Variants in TONSL observed in about 807,000 individuals in gnomAD.
TONSL encodes tonsoku like, DNA repair protein, also known as tonsoku-like protein.
Under a neutral mutation model 147.1 loss-of-function variants are expected in TONSL, and 112 were observed. The ratio of observed to expected loss-of-function variants is 0.76; its 90% CI spans 0.65 to 0.89. TONSL has a LOEUF of 0.89. TONSL is among the 40% of genes least tolerant of loss of function. TONSL has a pLI of 0.00. For synonymous variants in TONSL, 868 were observed against 801.5 expected (o/e 1.08, Z -1.40); for missense variants, 1,883 against 1,864.6 (o/e 1.01, Z -0.18).
intron 11 of TONSL, among the ~76,000 whole-genome samples, chr8:144,439,008 C>T (rs1002672923): frequency 6.6e-6 from 1 of 152,118 alleles, no homozygotes; most frequent in African/African-American, 2.4e-5. Flanking sequence ...CACGCCTGGC[C>T]CTCCCACAGA....
At position 144,429,674 on chromosome 8, in the gene TONSL, G is replaced by C. The variant is rs1257908625; in HGVS notation, c.3944-338C>G. ...CATCGTGGGCCTGAGTGGATCAAGA[G>C]AACACTAAGCTCAGGAATTCAGGGA... On this transcript the variant is annotated intron_variant, in intron 25 of 25. Coordinates refer to ENST00000409379, the MANE Select transcript of TONSL (RefSeq NM_013432.5). 2.0e-5 allele frequency among the ~76,000 whole-genome samples: 3 copies of C among 152,336 alleles called. No individual in the cohort carries two copies. The East Asian group carries it at 5.8e-4, about 29-fold the overall frequency.
Position 144,428,795 on chromosome 8 carries a change from T to TG in TONSL, c.*347_*348insC. The TG allele has an allele frequency of 7.7e-6, 1 of 130,716 alleles. No individual in the cohort carries two copies. Among genetic ancestry groups the TG allele is most frequent in the Non-Finnish European group, 1.6e-5 (1 of 61,378 alleles). 8.1% of individuals were successfully genotyped at this position (130,716 alleles called of 1,614,324 possible). Reference sequence around the variant, plus strand: ...AGGCAGCAGCTTCATTTATTTTATTTTTTTTTTTTTTTGAGACGGAGTCTC... The same window carrying TG: ...AGGCAGCAGCTTCATTTATTTTATTTGTTTTTTTTTTTTGAGACGGAGTCTC... On this transcript the variant is annotated 3_prime_UTR_variant, in exon 26 of 26. Coordinates refer to ENST00000409379, the MANE Select transcript of TONSL (RefSeq NM_013432.5).
rs554403654 is a variant in TONSL at position 144,438,695 on chromosome 8, G to C, written c.1521C>G (p.Asp507Glu). The C allele has an allele frequency of 6.2e-7, 1 of 1,613,240 alleles. No homozygotes were observed. The highest frequency in any genetic ancestry group is 8.5e-7 in the Non-Finnish European group (1 of 1,179,952). The stretch of plus-strand genomic sequence containing the variant: ...GGCCCAGGTGGCCCTGAAGCTCCTC[G>C]TCCTCCTCCAGCTGCGGGGTCAGGC... ...TDGLTPQLEE[D>E]EELQGHLGRR... The change falls in exon 12 of 26, where the codon GAC becomes GAG. Residue 507 changes from aspartate to glutamate, a missense_variant. Physicochemically the swap from Asp to Glu is conservative, Grantham distance 45. Transcript: ENST00000409379.
Position 144,440,124 on chromosome 8 carries a change from G to A in TONSL, c.1377C>T (p.Leu459=), listed in dbSNP as rs1197105324. 6.2e-7 allele frequency: 1 copy of A among 1,612,296 alleles called. No individual in the cohort carries two copies. Among genetic ancestry groups the A allele is most frequent in the Non-Finnish European group, 8.5e-7 (1 of 1,179,710 alleles). Residue 459 remains leucine (L), a synonymous_variant, in exon 11 of 26, where the codon CTC becomes CTT. Transcript: ENST00000409379. The stretch of plus-strand genomic sequence containing the variant: ...CCTCATCTTCATCTTCAGCTACACT[G>A]AGCTCCCGTAGTCTGGTTTCGGTCT... ...APETETRLRE[L]SVAEDEDEEE...
In TONSL at chr8:144,430,530, A is replaced by G; in HGVS notation, c.3817T>C (p.Ser1273Pro). ...AGTGAGATGAGTGAGGGGCACAGAG[A>G]GAGACATCTGAGATAACATGGGAAG... ...KAVRDLCRCLSLCPSLISLDL... is the reference protein window; with the variant it reads ...KAVRDLCRCLPLCPSLISLDL... The change falls in exon 25 of 26, where the codon TCT (serine) becomes CCT (proline). Residue 1273 changes from serine to proline, a missense_variant. By Grantham distance (74) the Ser-to-Pro change is moderately conservative. Coordinates refer to ENST00000409379, the MANE Select transcript of TONSL (RefSeq NM_013432.5). 6.2e-7 allele frequency: 1 copy of G among 1,610,714 alleles called. No homozygotes were observed. Among genetic ancestry groups the G allele is most frequent in the Non-Finnish European group, 8.5e-7 (1 of 1,178,488 alleles).
rs144748243 is a variant in TONSL at position 144,436,437 on chromosome 8, G to C, written c.2015-19C>G. The C allele has an allele frequency of 6.6e-7, 1 of 1,525,888 alleles. No homozygotes were observed. The highest frequency in any genetic ancestry group is 8.8e-7 in the Non-Finnish European group (1 of 1,140,838). 94.5% of individuals were successfully genotyped at this position (1,525,888 alleles called of 1,614,324 possible). The stretch of plus-strand genomic sequence containing the variant: ...TGGGGATCTGTGGGAGAGAGAATGC[G>C]TGTTGAGGCAGGGGCCCGGCACCTC... On this transcript the variant is annotated intron_variant, in intron 16 of 25. Coordinates refer to ENST00000409379, the MANE Select transcript of TONSL (RefSeq NM_013432.5).
chr8:144,433,464 C>T, intron 22 of TONSL, 124 bp downstream of exon 22: 1 of 939,656 alleles, frequency 1.1e-6, no homozygotes, highest in Non-Finnish European at 1.6e-6. Flanking sequence ...CCGCCTCAGC[C>T]TCTCAAGTAG....
Position 144,432,294 on chromosome 8 carries a change from G to C in TONSL, c.3726C>G (p.Tyr1242Ter), listed in dbSNP as rs1823237294. ...CTTCCCCACCTCGTACCTTGGCCAG[G>C]TATCGGAATACAGGCTCCATGAGGT... The part of the protein sequence containing the change: ...DSDLMEPVFR[Y>*]LAKEGCALAH... Residue 1242 changes from tyrosine (Y) to a stop codon, truncating the protein, a stop_gained, in exon 23 of 26, where the codon TAC becomes TAG. Transcript: ENST00000409379. LOFTEE classifies it high-confidence loss of function. The C allele has an allele frequency of 2.5e-6, 4 of 1,613,636 alleles. No homozygotes were observed. Among genetic ancestry groups the C allele is most frequent in the Non-Finnish European group, 3.4e-6 (4 of 1,179,924 alleles).
At chr8:144,431,183 A>G (rs1564725934) in intron 23 of TONSL, 32 bp from the exon 24 acceptor site, 1 of 1,611,152 alleles carries the variant, frequency 6.2e-7, no homozygotes, top group Admixed American at 1.7e-5. Flanking sequence ...AGGGGGCCAA[A>G]CGGAGTGGCG....
chr8:144,435,811 G>C lies in TONSL; in HGVS notation c.2622C>G (p.Ala874=), dbSNP rs903365160. ...GSDSEESRPR[A]RAKQVRLTCM... is the part of the protein sequence containing the mutation. ...AGGTCAGGCGGACCTGCTTGGCTCG[G>C]GCACGGGGCCTGCTCTCCTCACTGT... Residue 874 remains alanine (A), a synonymous_variant, in exon 17 of 26, where the codon GCC becomes GCG. Transcript: ENST00000409379. The C allele has an allele frequency of 6.2e-7, 1 of 1,612,562 alleles. No homozygotes were observed. Among genetic ancestry groups the C allele is most frequent in the African/African-American group, 1.3e-5 (1 of 74,858 alleles).
chr8:144,435,381 C>T, intron 18 of TONSL, 93 bp downstream of exon 18: 2 of 1,289,626 alleles, frequency 1.6e-6, no homozygotes, highest in South Asian at 1.5e-5. Flanking sequence ...ACCAGGGAGC[C>T]CTCGTCACAC....
Position 144,440,965 on chromosome 8 carries a change from C to T in TONSL, c.1011+1G>A. 1 of 1,613,116 alleles carries T rather than the reference C, an allele frequency of 6.2e-7. No individual in the cohort carries two copies. Among genetic ancestry groups the T allele is most frequent in the South Asian group, 1.1e-5 (1 of 91,090 alleles). On this transcript the variant is annotated splice_donor_variant, in intron 8 of 25. Transcript: ENST00000409379. LOFTEE classifies it high-confidence loss of function. ...CCTCCCACCCAGCCGGGGCCACACA[C>T]CTGCTTCTGGTAAGCCTCAGCTGCC...
In TONSL at chr8:144,443,904, T is replaced by C. The variant is rs1013538079; in HGVS notation, c.242A>G (p.Glu81Gly). 1.9e-5 allele frequency: 30 copies of C among 1,545,574 alleles called. No individual in the cohort carries two copies. The Admixed American group carries it at 4.9e-4, about 25-fold the overall frequency. ...RKIGERLAEMEDYPAALQHQH... is the reference protein window; with the variant it reads ...RKIGERLAEMGDYPAALQHQH... ...CACCTGCAAGGCAGCCGGGTAGTCC[T>C]CCATCTCGGCCAGGCGCTCTCCGAT... The change falls in exon 3 of 26, where the codon GAG becomes GGG. Residue 81 changes from glutamate (E) to glycine (G), a missense_variant. Physicochemically the swap from Glu to Gly is moderately conservative, Grantham distance 98. Coordinates refer to ENST00000409379, the MANE Select transcript of TONSL (RefSeq NM_013432.5).
rs1554879310 is a variant in TONSL at position 144,433,973 on chromosome 8, T to C, written c.3387+5A>G. The C allele has an allele frequency of 6.3e-7, 1 of 1,575,942 alleles. No homozygotes were observed. The highest frequency in any genetic ancestry group is 1.2e-5 in the South Asian group (1 of 85,952). ...TTGAGGGCCTGCTGCTCTCTGTGCC[T>C]ATACCTGCAAGGTGGCTTGGCCTGG... On this transcript the variant is annotated splice_donor_5th_base_variant and intron_variant, in intron 21 of 25. Transcript: ENST00000409379.
intron 4 of TONSL, 153 bp from the exon 5 acceptor site, chr8:144,442,959 G>A: frequency 8.0e-7 from 1 of 1,248,154 alleles, no homozygotes; most frequent in South Asian, 1.5e-5. Context: ...GCACAGAGTG[G>A]ATAAAGAGCT....
In TONSL at chr8:144,440,876, G is replaced by T; in HGVS notation, c.1012-6C>A. The stretch of plus-strand genomic sequence containing the variant: ...AGCAGCTCAGCAAAACGCAGCTGGG[G>T]GCAGTGCCAGTGAGGCCAGGGGCTG... On this transcript the variant is annotated splice_polypyrimidine_tract_variant and splice_region_variant and intron_variant, in intron 8 of 25. Coordinates refer to ENST00000409379, the MANE Select transcript of TONSL (RefSeq NM_013432.5). The T allele has an allele frequency of 6.2e-7, 1 of 1,612,676 alleles. No homozygotes were observed.
intron 10 of TONSL, 53 bp from the exon 11 acceptor site, chr8:144,440,263 A>G (rs1823660403): frequency 1.9e-6 from 3 of 1,555,818 alleles, no homozygotes; most frequent in South Asian, 2.4e-5. Context: ...GACGCAGAGA[A>G]AGATGGGGAT....
chr8:144,439,964 C>A, intron 11 of TONSL, 57 bp downstream of exon 11: 1 of 791,574 alleles, frequency 1.3e-6, no homozygotes. Flanking sequence ...CAGCACACCC[C>A]TCTCCAGCCC....
chr8:144,430,659 C>T, intron 24 of TONSL, 122 bp from the exon 25 acceptor site: 1 of 1,238,694 alleles, frequency 8.1e-7, no homozygotes, highest in Non-Finnish European at 1.1e-6. Context: ...GGGGCTCTGC[C>T]TCAGCCTGGC....
Sources: allele counts gnomAD v4.1 joint callset (sites outside exome capture counted in the v4.1 genomes callset), GRCh38; gene constraint gnomAD v4.1.1; transcripts MANE v1.5; gene names NCBI Gene and HGNC (gene_info 2026-07-23, HGNC 2026-07-21).